STAT4: variants seen among roughly 807,000 people sequenced by gnomAD.
STAT4 encodes signal transducer and activator of transcription 4.
STAT4 carries 42 observed loss-of-function variants against 110.5 expected under a neutral mutation model. The ratio of observed to expected loss-of-function variants is 0.38; its 90% CI spans 0.30 to 0.49. STAT4 has a LOEUF of 0.49. Ranked by LOEUF, STAT4 falls within the 20% of genes least tolerant of loss-of-function variation. The probability of loss-of-function intolerance (pLI) is 0.95; values close to 1 mark genes in which losing one functional copy is unlikely to be tolerated. For missense variants in STAT4, 632 were observed against 887.9 expected (o/e 0.71, Z 3.66); for synonymous variants, 284 against 302.2 (o/e 0.94, Z 0.63).
intron 3 of STAT4, among the ~76,000 whole-genome samples, chr2:191,094,165 T>G (rs1697890094): frequency 6.6e-6 from 1 of 152,180 alleles, no homozygotes; most frequent in Non-Finnish European, 1.5e-5. Context: ...AAAACACTCT[T>G]CAGGATATTA....
chr2:191,068,475 T>A (rs1417873933), intron 6 of STAT4: 1 of 152,142 alleles, frequency 6.6e-6, no homozygotes, highest in Non-Finnish European at 1.5e-5. Flanking sequence ...CTTAAGTATA[T>A]CAGGAGAAGA....
chr2:191,033,819 A>G lies in STAT4; in HGVS notation c.1715+92T>C. 7.3e-7 allele frequency: 1 copy of G among 1,372,730 alleles called. No individual in the cohort carries two copies. Among genetic ancestry groups the G allele is most frequent in the Non-Finnish European group, 1.0e-6 (1 of 1,000,580 alleles). The allele number at this position is 1,372,730 out of a possible 1,614,324, so 85.0% of individuals were successfully genotyped here. A position where few individuals can be genotyped will look rare whatever the true frequency, so the allele number is the denominator to read the frequency against. ...CAACTATTTTTTTCTGTGGTACTAA[A>G]CATGCTTAAGAGAAAAAGAAAGAAG... On this transcript the variant is annotated intron_variant, in intron 19 of 23. Coordinates refer to ENST00000392320, the MANE Select transcript of STAT4 (RefSeq NM_003151.4). This position sits in a 1 kb window ranked among gnomAD's most constrained non-coding sequence, Gnocchi z 6.9.
At chr2:191,149,970 A>G (rs1384742050) in intron 1 of STAT4, among the ~76,000 whole-genome samples, 1 of 152,220 alleles carries the variant, frequency 6.6e-6, no homozygotes, top group Non-Finnish European at 1.5e-5. Context: ...CTTAGTGTAT[A>G]TTTTCAAAAA....
intron 3 of STAT4, among the ~76,000 whole-genome samples, chr2:191,122,289 A>G (rs1447100241): frequency 6.6e-6 from 1 of 151,556 alleles, no homozygotes. Flanking sequence ...TAAAATTACA[A>G]TGATTTACCA....
chr2:191,148,717 G>T (rs1342851193), intron 1 of STAT4, among the ~76,000 whole-genome samples: 5 of 152,072 alleles, frequency 3.3e-5, no homozygotes, highest in Non-Finnish European at 5.9e-5. Context: ...TCTAGAGTCA[G>T]CTTTATGTTC....
chr2:191,085,094 C>T (rs926965295), intron 3 of STAT4, among the ~76,000 whole-genome samples: 5 of 150,302 alleles, frequency 3.3e-5, no homozygotes, highest in South Asian at 4.2e-4. Context: ...TTGTTGGCCT[C>T]ATGCTATCTT....
In STAT4 at chr2:191,144,436, G is replaced by A. The variant is rs1025907472; in HGVS notation, c.273+2177C>T. ...AAGGCTGAGTCATTCAAGAGTGTGTGTGACGTGTTCAGGAACAAGTAGTAG... is the reference window on the plus strand; with the variant it reads ...AAGGCTGAGTCATTCAAGAGTGTGTATGACGTGTTCAGGAACAAGTAGTAG... On this transcript the variant is annotated intron_variant, in intron 3 of 23. Coordinates refer to ENST00000392320, the MANE Select transcript of STAT4 (RefSeq NM_003151.4). The surrounding 1 kb of genome is among the most constrained non-coding windows in gnomAD (Gnocchi z 4.7). Among the ~76,000 whole-genome samples the A allele has an allele frequency of 1.3e-5, 2 of 152,156 alleles. No homozygotes were observed. The highest frequency in any genetic ancestry group is 2.4e-5 in the African/African-American group (1 of 41,444).
At position 191,051,641 on chromosome 2, in the gene STAT4, C is replaced by T. The variant is rs568626674; in HGVS notation, c.1251+2849G>A. ...TTATGGTGTGAGACAGACATGATTT[C>T]GGAGCAGGTGGGTGAGGTGCAGACA... On this transcript the variant is annotated intron_variant, in intron 14 of 23. Coordinates refer to ENST00000392320, the MANE Select transcript of STAT4 (RefSeq NM_003151.4). The surrounding 1 kb of genome is among the most constrained non-coding windows in gnomAD (Gnocchi z 5.6). Among the ~76,000 whole-genome samples the T allele has an allele frequency of 3.3e-5, 5 of 152,120 alleles. No homozygotes were observed. The highest frequency in any genetic ancestry group is 1.9e-4 in the East Asian group (1 of 5,200).
At chr2:191,145,538 T>C (rs1252974484) in intron 3 of STAT4, among the ~76,000 whole-genome samples, 2 of 152,202 alleles carry the variant, frequency 1.3e-5, no homozygotes, top group African/African-American at 4.8e-5. Flanking sequence ...CCAAAAATCC[T>C]GTTTTGTCGG....
intron 3 of STAT4, among the ~76,000 whole-genome samples, chr2:191,109,528 C>T (rs111539690): frequency 2.4e-4 from 37 of 152,182 alleles, no homozygotes; most frequent in African/African-American, 7.7e-4. Context: ...AGTTCACACA[C>T]GGGAAAATTG....
At chr2:191,139,887 T>A (rs1699276541) in intron 3 of STAT4, among the ~76,000 whole-genome samples, 1 of 152,206 alleles carries the variant, frequency 6.6e-6, no homozygotes. Context: ...AACAGCATGG[T>A]ACTGGCATAA....
chr2:191,121,107 C>T lies in STAT4; in HGVS notation c.273+25506G>A, dbSNP rs1191283600. On this transcript the variant is annotated intron_variant, in intron 3 of 23. Coordinates refer to ENST00000392320, the MANE Select transcript of STAT4 (RefSeq NM_003151.4). ...ACAAACAACCCCATCAAAAAGTGGG[C>T]GAAGGATATGAACAGACACTTCTCA... is the stretch of plus-strand genomic sequence containing the variant. Among the ~76,000 whole-genome samples, 16 of 151,710 alleles carry T rather than the reference C, an allele frequency of 1.1e-4. No homozygotes were observed. The East Asian group carries it at 1.5e-3, about 15-fold the overall frequency.
Position 191,116,987 on chromosome 2 carries a change from T to C in STAT4, c.273+29626A>G, listed in dbSNP as rs1408739469. 6.6e-6 allele frequency among the ~76,000 whole-genome samples: 1 copy of C among 152,178 alleles called. No individual in the cohort carries two copies. Among genetic ancestry groups the C allele is most frequent in the African/African-American group, 2.4e-5 (1 of 41,444 alleles). ...ACGTGAGATCTCCATGTGATTCTTT[T>C]TGCATTACTTTGAGCAGAGTCTCAA... is the stretch of plus-strand genomic sequence containing the variant. On this transcript the variant is annotated intron_variant, in intron 3 of 23. Coordinates refer to ENST00000392320, the MANE Select transcript of STAT4 (RefSeq NM_003151.4). The surrounding 1 kb of genome is among the most constrained non-coding windows in gnomAD (Gnocchi z 4.1).
At chr2:191,081,787 C>G (rs1697487889) in intron 3 of STAT4, among the ~76,000 whole-genome samples, 1 of 152,018 alleles carries the variant, frequency 6.6e-6, no homozygotes. Flanking sequence ...CTTTTGATAC[C>G]CCAAATTCAT....
chr2:191,055,410 G>A (rs1574713334), intron 13 of STAT4, among the ~76,000 whole-genome samples: 2 of 119,312 alleles, frequency 1.7e-5, no homozygotes, highest in Admixed American at 1.1e-4. Flanking sequence ...TAGTAGAGAC[G>A]GGGTTTCACT....
At chr2:191,052,021 T>C (rs1458237256) in intron 14 of STAT4, among the ~76,000 whole-genome samples, 1 of 152,256 alleles carries the variant, frequency 6.6e-6, no homozygotes, top group African/African-American at 2.4e-5. Flanking sequence ...CTTAGCAGGC[T>C]ACAGGTGCTC....
chr2:191,136,801 T>C (rs953924114), intron 3 of STAT4, among the ~76,000 whole-genome samples: 23 of 152,076 alleles, frequency 1.5e-4, no homozygotes, highest in African/African-American at 4.8e-4. Flanking sequence ...GATTTTATAC[T>C]AGAAAATCCT....
chr2:191,048,439 G>A (rs199648848), intron 14 of STAT4, among the ~76,000 whole-genome samples: 17 of 151,962 alleles, frequency 1.1e-4, no homozygotes, highest in African/African-American at 3.1e-4. Context: ...TCTCACATTC[G>A]CAGGTTCCAT....
chr2:191,050,592 T>A lies in STAT4; in HGVS notation c.1251+3898A>T, dbSNP rs1212787844. Among the ~76,000 whole-genome samples, 1 of 149,306 alleles carries A rather than the reference T, an allele frequency of 6.7e-6. No homozygotes were observed. The highest frequency in any genetic ancestry group is 1.5e-5 in the Non-Finnish European group (1 of 67,120). ...TGTCTAGTCCAATGAGTCCAAATGTTTTTTTTTTTTGACCTTGGTACATAT... is the reference window on the plus strand; with the variant it reads ...TGTCTAGTCCAATGAGTCCAAATGTATTTTTTTTTTGACCTTGGTACATAT... On this transcript the variant is annotated intron_variant, in intron 14 of 23. Coordinates refer to ENST00000392320, the MANE Select transcript of STAT4 (RefSeq NM_003151.4). The surrounding 1 kb of genome is among the most constrained non-coding windows in gnomAD (Gnocchi z 4.3).
Sources: allele counts gnomAD v4.1 joint callset (sites outside exome capture counted in the v4.1 genomes callset), GRCh38; gene constraint gnomAD v4.1.1; non-coding constraint Gnocchi (gnomAD v3.1); transcripts MANE v1.5; gene names NCBI Gene and HGNC (gene_info 2026-07-23, HGNC 2026-07-21).